The following CTNND2 variants were observed in gnomAD, a reference collection of about 807,000 sequenced individuals.
CTNND2 encodes the protein catenin delta 2, also known as catenin delta-2.
CTNND2 carries 22 observed loss-of-function variants against 144.4 expected under a neutral mutation model. That is an observed-to-expected ratio of 0.15 (90% CI 0.11 to 0.22). The LOEUF is 0.22. CTNND2 is among the 10% of genes least tolerant of loss of function. The pLI is 1.00. For synonymous variants in CTNND2, 751 were observed against 695.6 expected, an observed-to-expected ratio of 1.08 and a Z score of -1.25; for missense variants, 1,353 against 1,618.8, an observed-to-expected ratio of 0.84 and a Z score of 2.82.
intron 9 of CTNND2, among the ~76,000 whole-genome samples, chr5:11,298,121 G>T (rs1414068355): frequency 2.0e-5 from 3 of 152,116 alleles, no homozygotes; most frequent in Non-Finnish European, 4.4e-5. Context: ...TGAAAACGAT[G>T]ACAATTTTTA....
chr5:11,241,910 AG>A (rs1742492160), intron 9 of CTNND2, among the ~76,000 whole-genome samples: 1 of 151,056 alleles, frequency 6.6e-6, no homozygotes, highest in Non-Finnish European at 1.5e-5. Context: ...GCACCTGCCA[AG>A]GTGTGGAGTC....
At chr5:11,773,637 C>T (rs935045661) in intron 1 of CTNND2, among the ~76,000 whole-genome samples, 1 of 152,054 alleles carries the variant, frequency 6.6e-6, no homozygotes, top group Admixed American at 6.6e-5. Flanking sequence ...TGGTGAGACC[C>T]TGTCTCTACC....
At chr5:11,661,808 A>G (rs976962151) in intron 2 of CTNND2, among the ~76,000 whole-genome samples, 3 of 151,946 alleles carry the variant, frequency 2.0e-5, no homozygotes, top group Non-Finnish European at 4.4e-5. Flanking sequence ...TTGGTTTTAT[A>G]TATGTCACGG....
intron 9 of CTNND2, among the ~76,000 whole-genome samples, chr5:11,308,540 G>A (rs1750487595): frequency 6.6e-6 from 1 of 152,184 alleles, no homozygotes; most frequent in Non-Finnish European, 1.5e-5. Context: ...GGAAAGTAGT[G>A]GGTTCACTTC....
chr5:11,810,164 G>GA (rs1232558208), intron 1 of CTNND2, among the ~76,000 whole-genome samples: 4 of 151,948 alleles, frequency 2.6e-5, no homozygotes, highest in South Asian at 2.1e-4. Context: ...ATTTTTATAG[G>GA]AAAAATCCAT....
At chr5:11,586,607 A>C (rs1208582325) in intron 2 of CTNND2, among the ~76,000 whole-genome samples, 1 of 152,236 alleles carries the variant, frequency 6.6e-6, no homozygotes, top group African/African-American at 2.4e-5. Context: ...CTTGGCCATT[A>C]TCATCACATA....
intron 3 of CTNND2, among the ~76,000 whole-genome samples, chr5:11,420,595 G>C (rs31883): frequency 6.6e-6 from 1 of 151,992 alleles, no homozygotes; most frequent in Non-Finnish European, 1.5e-5. Flanking sequence ...CTGTTGCCCT[G>C]TTCCATTAGC....
intron 2 of CTNND2, among the ~76,000 whole-genome samples, chr5:11,709,989 T>C (rs1349444613): frequency 6.6e-6 from 1 of 152,186 alleles, no homozygotes; most frequent in Non-Finnish European, 1.5e-5. Context: ...ATGGCATGTA[T>C]TCTGTGATAT....
chr5:10,983,286 ATTCATAAATTT>A (rs1164298423), intron 20 of CTNND2, among the ~76,000 whole-genome samples: 1 of 152,036 alleles, frequency 6.6e-6, no homozygotes, highest in Non-Finnish European at 1.5e-5. Flanking sequence ...ACTATTATGT[ATTCATAAATTT>A]TTTTTTAAAA....
chr5:11,351,460 T>C (rs927540881), intron 8 of CTNND2, among the ~76,000 whole-genome samples: 1 of 152,230 alleles, frequency 6.6e-6, no homozygotes, highest in Non-Finnish European at 1.5e-5. Context: ...CATGAAATTA[T>C]CTGTTTTCTG....
rs1294667336 is a variant in CTNND2 at position 11,553,359 on chromosome 5, C to T, written c.287+11585G>A. ...GTACTACTCTGATACATCTTTTTAG[C>T]CCACAATGAGAGGAACAATTTTATA... is the stretch of plus-strand genomic sequence containing the variant. On this transcript the variant is annotated intron_variant, in intron 3 of 21. Coordinates refer to ENST00000304623, the MANE Select transcript of CTNND2 (RefSeq NM_001332.4). Among the ~76,000 whole-genome samples, 2 of 152,120 alleles carry T rather than the reference C, an allele frequency of 1.3e-5. 1 individual carries two copies. The highest frequency in any genetic ancestry group is 4.1e-4 in the South Asian group (2 of 4,830).
At chr5:11,226,080 G>A (rs1344966819) in intron 10 of CTNND2, among the ~76,000 whole-genome samples, 1 of 152,156 alleles carries the variant, frequency 6.6e-6, no homozygotes, top group Non-Finnish European at 1.5e-5. Flanking sequence ...AGTGACCATG[G>A]CCCTGCCCCT....
At chr5:11,640,211 G>A (rs1781928893) in intron 2 of CTNND2, among the ~76,000 whole-genome samples, 1 of 152,068 alleles carries the variant, frequency 6.6e-6, no homozygotes, top group Non-Finnish European at 1.5e-5. Flanking sequence ...CAACTCTTGG[G>A]AACAACTGCA....
chr5:11,050,941 C>T (rs1374995999), intron 16 of CTNND2, among the ~76,000 whole-genome samples: 1 of 152,194 alleles, frequency 6.6e-6, no homozygotes, highest in South Asian at 2.1e-4. Flanking sequence ...ACTGAAGCTT[C>T]CCTTTTCTCC....
Position 11,903,195 on chromosome 5 carries a change from G to C in CTNND2, c.37+622C>G, listed in dbSNP as rs558716725. Reference sequence around the variant, plus strand: ...ACCTGGCTTTCAGGCGGCGCTTTCTGGAGCCTGGCTGTCTATTGTCAGCAC... The same window carrying C: ...ACCTGGCTTTCAGGCGGCGCTTTCTCGAGCCTGGCTGTCTATTGTCAGCAC... On this transcript the variant is annotated intron_variant, in intron 1 of 21. Coordinates refer to ENST00000304623, the MANE Select transcript of CTNND2 (RefSeq NM_001332.4). The surrounding 1 kb of genome is among the most constrained non-coding windows in gnomAD (Gnocchi z 5.4). 7 of 985,448 alleles carry C rather than the reference G, an allele frequency of 7.1e-6. No individual in the cohort carries two copies. The African/African-American group carries it at 1.2e-4, about 17-fold the overall frequency. The allele number at this position is 985,448 out of a possible 1,614,324, so 61.0% of individuals were successfully genotyped here.
chr5:11,256,507 C>T (rs1744268059), intron 9 of CTNND2, among the ~76,000 whole-genome samples: 1 of 152,184 alleles, frequency 6.6e-6, no homozygotes, highest in African/African-American at 2.4e-5. Context: ...TTCGCAGTAC[C>T]TGGCATACTT....
chr5:11,890,896 A>G (rs1026206324), intron 1 of CTNND2, among the ~76,000 whole-genome samples: 1 of 152,206 alleles, frequency 6.6e-6, no homozygotes, highest in Non-Finnish European at 1.5e-5. Context: ...AAATAGAAAG[A>G]AACTGGACCT....
chr5:11,167,335 G>A (rs1242510143), intron 11 of CTNND2, among the ~76,000 whole-genome samples: 1 of 152,120 alleles, frequency 6.6e-6, no homozygotes, highest in Non-Finnish European at 1.5e-5. Context: ...TGAGAATTAG[G>A]TAGAATTATT....
intron 16 of CTNND2, among the ~76,000 whole-genome samples, chr5:11,035,569 G>A (rs1743979736): frequency 1.3e-5 from 2 of 152,236 alleles, no homozygotes; most frequent in South Asian, 4.1e-4. Flanking sequence ...AGGTGGCACA[G>A]CCACAGGTCT....
Sources: gnomAD v4.1 joint callset for allele counts (sites outside exome capture counted in the v4.1 genomes callset) on GRCh38, gnomAD v4.1.1 for gene constraint, Gnocchi (gnomAD v3.1) non-coding constraint, MANE v1.5 for transcripts, NCBI Gene and HGNC (gene_info 2026-07-23, HGNC 2026-07-21) for gene names.